NPIPB2: variants seen among roughly 807,000 people sequenced by gnomAD.
NPIPB2 encodes nuclear pore complex interacting protein family member B2, also known as nuclear pore complex-interacting protein family member B2.
Under a neutral mutation model 30.8 loss-of-function variants are expected in NPIPB2, and 27 were observed. The observed-to-expected ratio is 0.88, with a 90% confidence interval of 0.65 to 1.21. The LOEUF (loss-of-function observed/expected upper bound fraction) is 1.21. Ranked by LOEUF, NPIPB2 falls within the 50% of genes most tolerant of loss-of-function variation. The pLI is 0.00. For missense variants in NPIPB2, 440 were observed against 446.2 expected, an observed-to-expected ratio of 0.99 and a Z score of 0.13; for synonymous variants, 147 against 162.0, an observed-to-expected ratio of 0.91 and a Z score of 0.70.
Position 11,952,650 on chromosome 16 carries a change from T to C in NPIPB2, c.-583-10536A>G, listed in dbSNP as rs562932200. On this transcript the variant is annotated intron_variant, in intron 1 of 5. Coordinates refer to the NPIPB2 transcript ENST00000538896. ...CACAATCTCGGCTCACTGCAACCTCTGCCTCCAGGATTCAAGCGATTCTCC... is the reference window on the plus strand; with the variant it reads ...CACAATCTCGGCTCACTGCAACCTCCGCCTCCAGGATTCAAGCGATTCTCC... Among the ~76,000 whole-genome samples the C allele has an allele frequency of 2.0e-5, 3 of 151,046 alleles. No individual in the cohort carries two copies. The East Asian group carries it at 5.9e-4, about 30-fold the overall frequency.
exon 8 of NPIPB2, chr16:11,927,380 T>G (rs2054730463): frequency 2.2e-6 from 2 of 899,508 alleles, no homozygotes; most frequent in Non-Finnish European, 3.6e-6. Context: ...TGCTCAGGCT[T>G]GAGTGCAATG....
intron 2 of NPIPB2, among the ~76,000 whole-genome samples, chr16:11,937,296 G>T (rs2054880787): frequency 6.6e-6 from 1 of 152,042 alleles, no homozygotes; most frequent in East Asian, 1.9e-4. Flanking sequence ...ATAGCACAAA[G>T]GTTAAAAAAA....
At chr16:11,962,283 G>C (rs956610387) in intron 1 of NPIPB2, among the ~76,000 whole-genome samples, 7 of 150,800 alleles carry the variant, frequency 4.6e-5, no homozygotes, top group African/African-American at 1.7e-4. Flanking sequence ...GGTCGATCAC[G>C]AGGTGAGGGG....
At chr16:11,957,165 CTTTTTTTT>C (rs34981281) in intron 1 of NPIPB2, among the ~76,000 whole-genome samples, 3 of 118,942 alleles carry the variant, frequency 2.5e-5, no homozygotes, top group African/African-American at 6.6e-5. Flanking sequence ...CTAACTTTTT[CTTTTTTTT>C]TTTTTTTTTG....
chr16:11,965,177 C>T, intron 1 of NPIPB2: 1 of 939,856 alleles, frequency 1.1e-6, no homozygotes, highest in Non-Finnish European at 1.6e-6. Context: ...ACACAGACAG[C>T]CCCCGTAAGA....
chr16:11,967,473 T>C lies in NPIPB2; in HGVS notation c.-584+9095A>G, dbSNP rs970810042. The C allele has an allele frequency of 3.1e-6, 4 of 1,286,598 alleles. No homozygotes were observed. The African/African-American group carries it at 5.9e-5, about 19-fold the overall frequency. The allele number at this position is 1,286,598 out of a possible 1,614,324, so 79.7% of individuals were successfully genotyped here. A position where few individuals can be genotyped will look rare whatever the true frequency, so the allele number is the denominator to read the frequency against. On this transcript the variant is annotated intron_variant, in intron 1 of 5. Coordinates refer to the NPIPB2 transcript ENST00000538896. ...CACCTCTAAAAAATGAAAAAATCTC[T>C]CTCACATTGCTTTGAGTCCCGATGT...
intron 1 of NPIPB2, chr16:11,966,437 C>G (rs1042741497): frequency 2.4e-6 from 3 of 1,247,798 alleles, no homozygotes; most frequent in South Asian, 2.9e-5. Context: ...TATTTCACTT[C>G]GTTACAGCCC....
chr16:11,975,098 C>A (rs1286928225), intron 1 of NPIPB2, among the ~76,000 whole-genome samples: 1 of 135,758 alleles, frequency 7.4e-6, no homozygotes, highest in Non-Finnish European at 1.5e-5. Context: ...AACAAAAGAA[C>A]GTTGTGAATG....
At chr16:11,945,707 C>G (rs778150201), upstream of NPIPB2, among the ~76,000 whole-genome samples, 3 of 151,532 alleles carry the variant, frequency 2.0e-5, no homozygotes, top group Non-Finnish European at 4.4e-5. Flanking sequence ...AAACAAAATG[C>G]TGGAGTCATG....
At chr16:11,969,465 C>G (rs533021063) in intron 1 of NPIPB2, among the ~76,000 whole-genome samples, 33 of 152,234 alleles carry the variant, frequency 2.2e-4, no homozygotes, top group Admixed American at 2.1e-3. Flanking sequence ...CCATCTTCGC[C>G]AGACTGGTCT....
upstream of NPIPB2, among the ~76,000 whole-genome samples, chr16:11,947,040 T>TTATATATATATATATATATATATGG (rs57486204): frequency 7.2e-6 from 1 of 139,826 alleles, no homozygotes; most frequent in African/African-American, 2.6e-5. Context: ...ACTATTTGAA[T>TTATATATATATATATATATATATGG]TATATATATA....
intron 1 of NPIPB2, among the ~76,000 whole-genome samples, chr16:11,947,552 G>C (rs1394295738): frequency 1.3e-5 from 2 of 151,538 alleles, no homozygotes; most frequent in Non-Finnish European, 2.9e-5. Context: ...CACCGTATTA[G>C]CCAGGAGGGT....
upstream of NPIPB2, among the ~76,000 whole-genome samples, chr16:11,944,159 T>A (rs2054976577): frequency 6.6e-6 from 1 of 151,282 alleles, no homozygotes; most frequent in South Asian, 2.1e-4. Flanking sequence ...GTGATACAGA[T>A]GATAAACTGG....
intron 1 of NPIPB2, among the ~76,000 whole-genome samples, chr16:11,938,225 G>C (rs763450268): frequency 1.2e-3 from 190 of 152,178 alleles, no homozygotes; most frequent in Non-Finnish European, 1.9e-3. Context: ...CACCATGTTG[G>C]CCAGTCTGGC....
At chr16:11,932,972 A>C (rs1026975533) in intron 4 of NPIPB2, among the ~76,000 whole-genome samples, 5 of 150,830 alleles carry the variant, frequency 3.3e-5, no homozygotes, top group African/African-American at 1.2e-4. Context: ...TTAAAAAAAA[A>C]AAAAAAGGCT....
chr16:11,942,777 A>G (rs571292791), upstream of NPIPB2, among the ~76,000 whole-genome samples: 3,317 of 151,152 alleles, frequency 0.022, 57 homozygotes, highest in African/African-American at 0.048. Context: ...ACCAGGACAG[A>G]CCCCCACTGT....
intron 1 of NPIPB2, among the ~76,000 whole-genome samples, chr16:11,951,460 C>CAAAAAA (rs144775580): frequency 5.0e-4 from 25 of 49,666 alleles, no homozygotes; most frequent in South Asian, 9.0e-4. Flanking sequence ...AAGACTGTCT[C>CAAAAAA]AAAAAAAAAA....
chr16:11,976,112 T>C (rs546671696), intron 1 of NPIPB2, among the ~76,000 whole-genome samples: 150 of 151,850 alleles, frequency 9.9e-4, no homozygotes, highest in African/African-American at 3.5e-3. Context: ...AGGCCCTCCC[T>C]CCACCTCCTC....
In NPIPB2 at chr16:11,951,619, T is replaced by TACACACACACAC. The variant is rs1237887146; in HGVS notation, c.-583-9506_-583-9505insGTGTGTGTGTGT. Reference sequence around the variant, plus strand: ...CACTGATACAGATGGACACTGCACATACACATACACACACACACACACACA... The same window carrying TACACACACACAC: ...CACTGATACAGATGGACACTGCACATACACACACACACACACATACACACACACACACACACA... On this transcript the variant is annotated intron_variant, in intron 1 of 5. Coordinates refer to the NPIPB2 transcript ENST00000538896. 1.2e-3 allele frequency among the ~76,000 whole-genome samples: 135 copies of TACACACACACAC among 115,886 alleles called. 1 individual carries two copies. The highest frequency in any genetic ancestry group is 3.9e-3 in the African/African-American group (122 of 31,076). 76.0% of individuals were successfully genotyped at this position (115,886 alleles called of 152,430 possible).
Sources: allele counts gnomAD v4.1 joint callset (sites outside exome capture counted in the v4.1 genomes callset), GRCh38; gene constraint gnomAD v4.1.1; transcripts MANE v1.5; gene names NCBI Gene and HGNC (gene_info 2026-07-23, HGNC 2026-07-21).